Variants in KCNC1 observed in about 807,000 individuals in gnomAD.
KCNC1 encodes potassium voltage-gated channel subfamily C member 1.
A neutral mutation model predicts 43.4 loss-of-function variants in KCNC1; 8 were observed. That is an observed-to-expected ratio of 0.18 (90% confidence interval 0.11 to 0.33). KCNC1 has a LOEUF of 0.33. Ranked by LOEUF, KCNC1 falls within the 10% of genes least tolerant of loss-of-function variation. The pLI, the probability that KCNC1 is intolerant of heterozygous loss-of-function variation, is 1.00. For missense variants in KCNC1, 420 were observed against 836.0 expected (o/e 0.50, Z 6.14); for synonymous variants, 361 against 360.5 (o/e 1.00, Z -0.01).
intron 2 of KCNC1, chr11:17,774,943 C>T (rs1043724290): frequency 8.1e-6 from 8 of 985,324 alleles, no homozygotes; most frequent in Admixed American, 6.2e-5. Flanking sequence ...CCCGGCTATC[C>T]GCCACCAAGA....
chr11:17,742,059 A>G lies in KCNC1; in HGVS notation c.570+5487A>G, dbSNP rs186595415. ...AGACTGTAAGCCTCTGGCATGCTCT[A>G]TAGAATAGGAGCTGTTATCATGACA... On this transcript the variant is annotated intron_variant, in intron 1 of 3. Coordinates refer to ENST00000265969, the MANE Select transcript of KCNC1 (RefSeq NM_001112741.2). The surrounding 1 kb of genome is among the most constrained non-coding windows in gnomAD (Gnocchi z 4.2). Among the ~76,000 whole-genome samples, 40 of 152,324 alleles carry G rather than the reference A, an allele frequency of 2.6e-4. No individual in the cohort carries two copies. The highest frequency in any genetic ancestry group is 4.4e-4 in the Non-Finnish European group (30 of 68,024).
rs1250626329 is a variant in KCNC1, at chr11:17,734,816, A to G, written c.-1187A>G. On this transcript the variant is annotated 5_prime_UTR_variant, in exon 1 of 4. Transcript: ENST00000265969. ...ACGAGCAGGCGACGGGCGAGCAGCA[A>G]GCGGAGCAGCAGCCCGGGCGGCAGC... is the stretch of plus-strand genomic sequence containing the variant. 6.6e-6 allele frequency: 1 copy of G among 151,216 alleles called. No homozygotes were observed. Among genetic ancestry groups the G allele is most frequent in the African/African-American group, 2.4e-5 (1 of 41,268 alleles). 9.4% of individuals were successfully genotyped at this position (151,216 alleles called of 1,614,324 possible). A position where few individuals can be genotyped will look rare whatever the true frequency, so the allele number is the denominator to read the frequency against.
rs969698455 is a variant in KCNC1 at position 17,739,492 on chromosome 11, C to T, written c.570+2920C>T. 6.6e-6 allele frequency among the ~76,000 whole-genome samples: 1 copy of T among 150,522 alleles called. No homozygotes were observed. Among genetic ancestry groups the T allele is most frequent in the East Asian group, 2.0e-4 (1 of 5,100 alleles). ...GATTCTGTGTTTTGGATGGACTGTGCGTGTGTGAGAATGAGACTGTGTGGG... is the reference window on the plus strand; with the variant it reads ...GATTCTGTGTTTTGGATGGACTGTGTGTGTGTGAGAATGAGACTGTGTGGG... On this transcript the variant is annotated intron_variant, in intron 1 of 3. Coordinates refer to ENST00000265969, the MANE Select transcript of KCNC1 (RefSeq NM_001112741.2). This position sits in a 1 kb window ranked among gnomAD's most constrained non-coding sequence, Gnocchi z 4.2.
At chr11:17,760,763 T>C (rs1849068537) in intron 1 of KCNC1, among the ~76,000 whole-genome samples, 1 of 152,200 alleles carries the variant, frequency 6.6e-6, no homozygotes, top group African/African-American at 2.4e-5. Flanking sequence ...CCGAGGACAG[T>C]GAGACTGATC....
intron 2 of KCNC1, chr11:17,772,827 C>T (rs921385535): frequency 4.3e-5 from 60 of 1,411,010 alleles, no homozygotes; most frequent in African/African-American, 8.6e-5. Flanking sequence ...AGGAGGTTGA[C>T]GCGGTTGGTC....
chr11:17,735,921 C>T lies in KCNC1; in HGVS notation c.-82C>T. ...GGGGGAGGGGGGAAGAGGGCGCGCG[C>T]CCCCCTCCCCGGCGCCAACTCCCCC... On this transcript the variant is annotated 5_prime_UTR_variant, in exon 1 of 4. Transcript: ENST00000265969. The surrounding 1 kb of genome is among the most constrained non-coding windows in gnomAD (Gnocchi z 6.7). The T allele has an allele frequency of 7.3e-7, 1 of 1,368,342 alleles. No homozygotes were observed. The allele number at this position is 1,368,342 out of a possible 1,614,324, so 84.8% of individuals were successfully genotyped here.
intron 1 of KCNC1, among the ~76,000 whole-genome samples, chr11:17,762,658 G>T (rs1031603459): frequency 2.6e-5 from 4 of 152,142 alleles, no homozygotes; most frequent in Non-Finnish European, 5.9e-5. Flanking sequence ...GATGAGAGGG[G>T]CCTGGAGGGC....
chr11:17,780,700 AC>A (rs2133811138), intron 3 of KCNC1: 1 of 152,410 alleles, frequency 6.6e-6, no homozygotes, highest in East Asian at 1.9e-4. Context: ...AAGTGATTAA[AC>A]CACACGCAGG....
In KCNC1 at chr11:17,779,383, T is replaced by A; in HGVS notation, c.1505-73T>A. On this transcript the variant is annotated intron_variant, in intron 2 of 3. Transcript: ENST00000265969. The surrounding 1 kb of genome is among the most constrained non-coding windows in gnomAD (Gnocchi z 7.2). ...AGCTGCCCTCTGCCAATACCCCGCT[T>A]CTGGCCTGTCCCCCCCTGCCCCCCA... 7.8e-7 allele frequency: 1 copy of A among 1,278,912 alleles called. No individual in the cohort carries two copies. Among genetic ancestry groups the A allele is most frequent in the Non-Finnish European group, 1.0e-6 (1 of 961,652 alleles). The allele number at this position is 1,278,912 out of a possible 1,614,324, so 79.2% of individuals were successfully genotyped here.
chr11:17,765,635 A>G (rs1359792632), intron 1 of KCNC1, among the ~76,000 whole-genome samples: 3 of 152,154 alleles, frequency 2.0e-5, no homozygotes, highest in Non-Finnish European at 4.4e-5. Flanking sequence ...GGGGGGAGAA[A>G]AAGGCCAGAA....
Position 17,742,379 on chromosome 11 carries a change from C to A in KCNC1, c.570+5807C>A, listed in dbSNP as rs942235434. On this transcript the variant is annotated intron_variant, in intron 1 of 3. Coordinates refer to ENST00000265969, the MANE Select transcript of KCNC1 (RefSeq NM_001112741.2). The surrounding 1 kb of genome is among the most constrained non-coding windows in gnomAD (Gnocchi z 4.2). ...CTCATTCCAGGGTCCACTGCCTGGG[C>A]TGAGGATCTCAAGGCCTCCACGACA... Among the ~76,000 whole-genome samples, 3 of 152,174 alleles carry A rather than the reference C, an allele frequency of 2.0e-5. No homozygotes were observed. The highest frequency in any genetic ancestry group is 4.4e-5 in the Non-Finnish European group (3 of 68,030).
intron 1 of KCNC1, among the ~76,000 whole-genome samples, chr11:17,769,839 A>G (rs1260247897): frequency 2.6e-5 from 4 of 152,160 alleles, no homozygotes; most frequent in African/African-American, 7.2e-5. Flanking sequence ...AACCAACAGG[A>G]CTAGTAGTGT....
rs376582813 is a variant in KCNC1, at chr11:17,742,139, G to A, written c.570+5567G>A. On this transcript the variant is annotated intron_variant, in intron 1 of 3. Transcript: ENST00000265969. The surrounding 1 kb of genome is among the most constrained non-coding windows in gnomAD (Gnocchi z 4.2). ...GCTCTACCTGAGGCCCCTCGTGAGC[G>A]GGTTAGCTGAGGGCTGGCTGGGAAA... Among the ~76,000 whole-genome samples the A allele has an allele frequency of 5.0e-4, 76 of 152,300 alleles. 4 individuals are homozygous for A. The South Asian group carries it at 0.014, about 28-fold the overall frequency.
chr11:17,761,577 A>G (rs149786773), intron 1 of KCNC1, among the ~76,000 whole-genome samples: 2 of 152,306 alleles, frequency 1.3e-5, no homozygotes, highest in East Asian at 1.9e-4. Flanking sequence ...TTACTAGGCC[A>G]TAGGCATATG....
Position 17,777,624 on chromosome 11 carries a change from CA to C in KCNC1, c.1505-1831del. On this transcript the variant is annotated intron_variant, in intron 2 of 3. Transcript: ENST00000265969. This position sits in a 1 kb window ranked among gnomAD's most constrained non-coding sequence, Gnocchi z 4.3. ...CCCAGAGACGCCCCGGCCCCAGTCA[CA>C]TGGTGTCAGAGTTACCTTGGCAACT... is the stretch of plus-strand genomic sequence containing the variant. 1 of 985,872 alleles carries C rather than the reference CA, an allele frequency of 1.0e-6. No homozygotes were observed. Among genetic ancestry groups the C allele is most frequent in the Non-Finnish European group, 1.2e-6 (1 of 829,970 alleles). 61.1% of individuals were successfully genotyped at this position (985,872 alleles called of 1,614,324 possible). A position where few individuals can be genotyped will look rare whatever the true frequency, so the allele number is the denominator to read the frequency against.
rs1472510418 is a variant in KCNC1, at chr11:17,739,294, C to T, written c.570+2722C>T. Among the ~76,000 whole-genome samples, 3 of 152,014 alleles carry T rather than the reference C, an allele frequency of 2.0e-5. No homozygotes were observed. Among genetic ancestry groups the T allele is most frequent in the Admixed American group, 2.0e-4 (3 of 15,256 alleles). ...AGGCTGTATGTGTGAGACAGAGGCT[C>T]TTTGTAAGAGAGATTGTGTGTGAGT... On this transcript the variant is annotated intron_variant, in intron 1 of 3. Transcript: ENST00000265969. This position sits in a 1 kb window ranked among gnomAD's most constrained non-coding sequence, Gnocchi z 4.2.
At chr11:17,766,781 CAG>C (rs1410164146) in intron 1 of KCNC1, among the ~76,000 whole-genome samples, 2 of 151,964 alleles carry the variant, frequency 1.3e-5, no homozygotes, top group East Asian at 1.9e-4. Flanking sequence ...TAGACACAAT[CAG>C]GGGGCGCTCT....
At chr11:17,745,381 C>T (rs1848887163) in intron 1 of KCNC1, among the ~76,000 whole-genome samples, 1 of 152,164 alleles carries the variant, frequency 6.6e-6, no homozygotes, top group Non-Finnish European at 1.5e-5. Context: ...AGACATCAAC[C>T]AACCCTGTTG....
At chr11:17,778,923 A>C (rs1849316745) in intron 2 of KCNC1, among the ~76,000 whole-genome samples, 1 of 151,746 alleles carries the variant, frequency 6.6e-6, no homozygotes, top group Non-Finnish European at 1.5e-5. Context: ...CAAATGGGAG[A>C]TGGGGTAGAG....
Sources: gnomAD v4.1 joint callset for allele counts (sites outside exome capture counted in the v4.1 genomes callset) on GRCh38, gnomAD v4.1.1 for gene constraint, Gnocchi (gnomAD v3.1) non-coding constraint, MANE v1.5 for transcripts, NCBI Gene and HGNC (gene_info 2026-07-23, HGNC 2026-07-21) for gene names.